Variants in CACNB2 observed in about 807,000 individuals in gnomAD.
CACNB2 encodes the protein calcium voltage-gated channel auxiliary subunit beta 2, also known as voltage-dependent L-type calcium channel subunit beta-2.
A neutral mutation model predicts 73.3 loss-of-function variants in CACNB2; 42 were observed. That is an observed-to-expected ratio of 0.57 (90% CI 0.45 to 0.74). The LOEUF (loss-of-function observed/expected upper bound fraction) is 0.74, where lower values mean the gene tolerates loss of function less well. Ranked by LOEUF, CACNB2 falls within the 30% of genes least tolerant of loss-of-function variation. The pLI, the probability that CACNB2 is intolerant of heterozygous loss-of-function variation, is 0.00. For synonymous variants in CACNB2, 348 were observed against 310.3 expected (o/e 1.12, Z -1.28); for missense variants, 940 against 853.0 (o/e 1.10, Z -1.27).
intron 5 of CACNB2, among the ~76,000 whole-genome samples, chr10:18,502,542 T>A (rs1199764777): frequency 2.0e-5 from 3 of 148,358 alleles, no homozygotes; most frequent in African/African-American, 5.0e-5. Context: ...AAAAAAAAAA[T>A]TAGCTGGGTA....
intron 2 of CACNB2, among the ~76,000 whole-genome samples, chr10:18,368,904 A>G (rs1192523150): frequency 1.3e-5 from 2 of 152,190 alleles, no homozygotes; most frequent in African/African-American, 4.8e-5. Flanking sequence ...TTTAAAAAAA[A>G]AGAGAGAGAA....
intron 2 of CACNB2, among the ~76,000 whole-genome samples, chr10:18,355,207 C>G (rs553462836): frequency 6.6e-6 from 1 of 151,988 alleles, no homozygotes; most frequent in East Asian, 1.9e-4. Context: ...CATGTACACT[C>G]TAAGTGTTTC....
intron 2 of CACNB2, chr10:18,206,884 C>T (rs560268654): frequency 2.8e-4 from 43 of 152,260 alleles, no homozygotes; most frequent in African/African-American, 8.7e-4. Flanking sequence ...GCAGTAGTTC[C>T]CAATTATCCA....
At position 18,249,360 on chromosome 10, in the gene CACNB2, C is replaced by A. The variant is rs115643351; in HGVS notation, c.213+98385C>A. On this transcript the variant is annotated intron_variant, in intron 2 of 13. Coordinates refer to ENST00000324631, the MANE Select transcript of CACNB2 (RefSeq NM_201596.3). ...TCTGTTGAAGTGTCTTTTGTTTTTC[C>A]TTTCTTACCTGTAATACCTCCTATT... 7.7e-3 allele frequency among the ~76,000 whole-genome samples: 1,169 copies of A among 152,134 alleles called. 22 individuals carry two copies. Among genetic ancestry groups the A allele is most frequent in the African/African-American group, 0.027 (1,103 of 41,506 alleles).
rs532445559 is a variant in CACNB2, at chr10:18,366,443, C to T, written c.214-35481C>T. Among the ~76,000 whole-genome samples the T allele has an allele frequency of 8.6e-5, 12 of 140,240 alleles. No individual in the cohort carries two copies. In the East Asian group the frequency reaches 2.5e-3, roughly 30 times the overall value. The allele number at this position is 140,240 out of a possible 152,430, so 92.0% of individuals were successfully genotyped here. A position where few individuals can be genotyped will look rare whatever the true frequency, so the allele number is the denominator to read the frequency against. ...TCGCGCCACTGCACTCCAGCCTGGGCGACAGAGTGAGACTCCGTCTCAAAA... is the reference window on the plus strand; with the variant it reads ...TCGCGCCACTGCACTCCAGCCTGGGTGACAGAGTGAGACTCCGTCTCAAAA... On this transcript the variant is annotated intron_variant, in intron 2 of 13. Transcript: ENST00000324631.
intron 7 of CACNB2, chr10:18,515,136 G>T: frequency 2.0e-6 from 2 of 1,003,252 alleles, no homozygotes; most frequent in Non-Finnish European, 3.1e-6. Context: ...GGACAGTGCA[G>T]CCAGTGGTCA....
intron 10 of CACNB2, among the ~76,000 whole-genome samples, chr10:18,528,967 G>A (rs2052735670): frequency 1.3e-5 from 2 of 152,112 alleles, no homozygotes; most frequent in African/African-American, 4.8e-5. Context: ...AGCCTCCTGA[G>A]TATCTGGGAC....
At chr10:18,315,528 AC>A (rs2040147778) in intron 2 of CACNB2, among the ~76,000 whole-genome samples, 1 of 90,214 alleles carries the variant, frequency 1.1e-5, no homozygotes. Context: ...AAAAAAAAAA[AC>A]TTTTTTTTTT....
At chr10:18,243,007 C>CAAAA (rs68136708) in intron 2 of CACNB2, among the ~76,000 whole-genome samples, 6 of 134,890 alleles carry the variant, frequency 4.4e-5, no homozygotes, top group African/African-American at 1.1e-4. Context: ...AAGACTGTCT[C>CAAAA]AAAAAAAAAA....
intron 2 of CACNB2, among the ~76,000 whole-genome samples, chr10:18,356,962 T>TTTTTTTTTTA (rs2041943824): frequency 7.1e-6 from 1 of 141,326 alleles, no homozygotes; most frequent in Admixed American, 7.2e-5. Context: ...TTTTTTTTTT[T>TTTTTTTTTTA]GAGACGGAGT....
chr10:18,538,373 G>A lies in CACNB2; in HGVS notation c.1488+8G>A, dbSNP rs375215183. ...CTAGCCTCTAATTCACAGGTAAGGG[G>A]AGTTTTTATATATATCTATATATAC... On this transcript the variant is annotated splice_region_variant and intron_variant, in intron 13 of 13. Coordinates refer to ENST00000324631, the MANE Select transcript of CACNB2 (RefSeq NM_201596.3). 85 of 1,603,898 alleles carry A rather than the reference G, an allele frequency of 5.3e-5. 1 individual carries two copies. The African/African-American group carries it at 1.1e-3, about 21-fold the overall frequency.
At chr10:18,216,854 G>A (rs545992428) in intron 2 of CACNB2, among the ~76,000 whole-genome samples, 31 of 152,114 alleles carry the variant, frequency 2.0e-4, no homozygotes, top group Non-Finnish European at 4.4e-4. Context: ...ATACATTTCT[G>A]CCCAGGTCAT....
chr10:18,438,309 G>C (rs1214658624), intron 3 of CACNB2, among the ~76,000 whole-genome samples: 1 of 151,636 alleles, frequency 6.6e-6, no homozygotes, highest in Non-Finnish European at 1.5e-5. Flanking sequence ...GATTACAGGC[G>C]TGAGCCACCG....
intron 2 of CACNB2, among the ~76,000 whole-genome samples, chr10:18,181,065 G>GGAAAAA: frequency 2.5e-5 from 3 of 117,894 alleles, no homozygotes; most frequent in African/African-American, 9.2e-5. Flanking sequence ...AGCCAAAATA[G>GGAAAAA]AAAAAAAAAA....
chr10:18,280,456 T>G (rs2038493804), intron 2 of CACNB2, among the ~76,000 whole-genome samples: 1 of 152,174 alleles, frequency 6.6e-6, no homozygotes, highest in African/African-American at 2.4e-5. Flanking sequence ...ACTATTGAAT[T>G]CGTACACTTA....
intron 2 of CACNB2, among the ~76,000 whole-genome samples, chr10:18,173,036 T>G (rs1290835187): frequency 1.3e-5 from 2 of 150,466 alleles, no homozygotes; most frequent in Non-Finnish European, 3.0e-5. Flanking sequence ...TTCTCCTGCC[T>G]CAGCCTACCG....
intron 2 of CACNB2, among the ~76,000 whole-genome samples, chr10:18,392,622 G>C (rs2132461638): frequency 6.6e-6 from 1 of 152,294 alleles, no homozygotes; most frequent in East Asian, 1.9e-4. Flanking sequence ...CTTAGGAAGA[G>C]AGAAATAATC....
chr10:18,508,708 G>C (rs2050615625), intron 6 of CACNB2, among the ~76,000 whole-genome samples: 1 of 152,068 alleles, frequency 6.6e-6, no homozygotes, highest in South Asian at 2.1e-4. Flanking sequence ...TAGAAAATAT[G>C]GTAACTCAAA....
intron 2 of CACNB2, among the ~76,000 whole-genome samples, chr10:18,220,235 A>AGAGGGGGGGG (rs2035723731): frequency 5.3e-5 from 2 of 37,566 alleles, no homozygotes; most frequent in African/African-American, 3.2e-4. Context: ...ATATATATAG[A>AGAGGGGGGGG]GAGAGAGAGA....
Sources: allele counts gnomAD v4.1 joint callset (sites outside exome capture counted in the v4.1 genomes callset), GRCh38; gene constraint gnomAD v4.1.1; transcripts MANE v1.5; gene names NCBI Gene and HGNC (gene_info 2026-07-23, HGNC 2026-07-21).